The following MORC1 variants were observed in gnomAD, a reference collection of about 807,000 sequenced individuals.
MORC1 encodes MORC family CW-type zinc finger 1.
In MORC1, 59 loss-of-function variants were observed where a neutral mutation model predicts 134.9. The observed-to-expected ratio is 0.44, with a 90% CI of 0.35 to 0.54. The LOEUF is 0.54. Among genes scored for constraint, MORC1 ranks in the 20% least tolerant of loss-of-function variants. The pLI is 0.00. For missense variants in MORC1, 947 were observed against 1,134.5 expected (o/e 0.83, Z 2.37); for synonymous variants, 395 against 391.7 (o/e 1.01, Z -0.10).
chr3:108,981,974 A>G (rs1947737088), intron 23 of MORC1, among the ~76,000 whole-genome samples: 1 of 152,232 alleles, frequency 6.6e-6, no homozygotes, highest in Non-Finnish European at 1.5e-5. Context: ...CAGGCAACCT[A>G]CAGAATGGGA....
chr3:109,082,902 A>G (rs544764175), intron 8 of MORC1, among the ~76,000 whole-genome samples: 27 of 152,276 alleles, frequency 1.8e-4, no homozygotes, highest in African/African-American at 6.0e-4. Context: ...AAACTTGAGA[A>G]AGAGACCAAT....
chr3:108,970,763 C>A (rs1947354951), intron 25 of MORC1, among the ~76,000 whole-genome samples: 1 of 152,204 alleles, frequency 6.6e-6, no homozygotes, highest in Non-Finnish European at 1.5e-5. Flanking sequence ...TTCACCACAG[C>A]CCTGCGGGAG....
At chr3:109,108,343 C>T (rs969764548) in intron 3 of MORC1, among the ~76,000 whole-genome samples, 1 of 152,102 alleles carries the variant, frequency 6.6e-6, no homozygotes, top group Non-Finnish European at 1.5e-5. Flanking sequence ...GAACATAATG[C>T]GTGGATTCTG....
intron 14 of MORC1, among the ~76,000 whole-genome samples, chr3:109,046,781 G>A (rs191195604): frequency 4.6e-5 from 7 of 152,198 alleles, no homozygotes; most frequent in Non-Finnish European, 2.9e-5. Context: ...GATAGTAAAA[G>A]GGTTACTACA....
chr3:109,009,393 A>T (rs1012237384), intron 17 of MORC1, among the ~76,000 whole-genome samples: 1 of 151,482 alleles, frequency 6.6e-6, no homozygotes, highest in Non-Finnish European at 1.5e-5. Flanking sequence ...TTTAGTAGAG[A>T]CAGGGTTTCA....
chr3:108,967,651 T>G (rs1196638080), intron 26 of MORC1, among the ~76,000 whole-genome samples: 1 of 152,198 alleles, frequency 6.6e-6, no homozygotes, highest in Non-Finnish European at 1.5e-5. Flanking sequence ...AAGTAATACA[T>G]GTGACCTCTA....
chr3:109,044,822 G>C lies in MORC1; in HGVS notation c.1331-9354C>G, dbSNP rs145275839. 8.8e-3 allele frequency among the ~76,000 whole-genome samples: 1,283 copies of C among 146,048 alleles called. 10 individuals are homozygous for C. Among genetic ancestry groups the C allele is most frequent in the Non-Finnish European group, 0.013 (828 of 65,974 alleles). On this transcript the variant is annotated intron_variant, in intron 14 of 27. Coordinates refer to ENST00000232603, the MANE Select transcript of MORC1 (RefSeq NM_014429.4). The stretch of plus-strand genomic sequence containing the variant: ...TAGCCAGGTGTGGTGGCGGGCATCT[G>C]TAATCCCAGCTACTTGGGAGGCTTA...
chr3:109,100,554 A>G (rs1422622901), intron 4 of MORC1, 47 bp from the exon 5 acceptor site: 4 of 1,448,192 alleles, frequency 2.8e-6, no homozygotes, highest in Non-Finnish European at 2.9e-6. Flanking sequence ...ACTCTTTGAC[A>G]CTGGCCTGAG....
intron 23 of MORC1, among the ~76,000 whole-genome samples, chr3:108,981,991 T>G (rs986206581): frequency 2.6e-5 from 4 of 152,062 alleles, no homozygotes; most frequent in Non-Finnish European, 5.9e-5. Flanking sequence ...GGGAGAAAAT[T>G]TTTGCAATCT....
At chr3:109,050,098 C>T (rs1002237352) in intron 14 of MORC1, among the ~76,000 whole-genome samples, 1 of 152,136 alleles carries the variant, frequency 6.6e-6, no homozygotes, top group African/African-American at 2.4e-5. Context: ...CTAACCCCTC[C>T]CCAACCTTTA....
At chr3:109,025,106 T>C (rs1055157532) in intron 17 of MORC1, among the ~76,000 whole-genome samples, 4 of 152,180 alleles carry the variant, frequency 2.6e-5, no homozygotes, top group Non-Finnish European at 5.9e-5. Flanking sequence ...TATAACTATA[T>C]GGGAGTTGCA....
chr3:109,042,324 AT>A (rs1286996521), intron 14 of MORC1, among the ~76,000 whole-genome samples: 1 of 152,174 alleles, frequency 6.6e-6, no homozygotes, highest in East Asian at 1.9e-4. Flanking sequence ...ACACGTATAT[AT>A]TTTTTAAATG....
chr3:109,117,576 G>A (rs1951299371), intron 1 of MORC1, among the ~76,000 whole-genome samples: 3 of 152,216 alleles, frequency 2.0e-5, no homozygotes, highest in African/African-American at 7.2e-5. Context: ...TCCTTAGAGA[G>A]GTTACATTTT....
At chr3:108,988,068 T>C (rs1168033791) in intron 21 of MORC1, among the ~76,000 whole-genome samples, 2 of 152,124 alleles carry the variant, frequency 1.3e-5, no homozygotes, top group African/African-American at 4.8e-5. Context: ...TCATGCCCTC[T>C]CTAACCTGCT....
chr3:108,979,636 G>C lies in MORC1; in HGVS notation c.2356C>G (p.Leu786Val), dbSNP rs114420757. 1 of 1,614,024 alleles carries C rather than the reference G, an allele frequency of 6.2e-7. No homozygotes were observed. Residue 786 changes from leucine (L) to valine (V), a missense_variant, in exon 24 of 28, where the codon CTA (leucine) becomes GTA (valine). Coordinates refer to ENST00000232603, the MANE Select transcript of MORC1 (RefSeq NM_014429.4). ...ACTCTGGCTATGTGTCCAGAACTTA[G>C]ATTCACATCTTCCATCGGCACATTG... ...LLNVPMEDVNLSSGHIARVSV... is the reference protein window; with the variant it reads ...LLNVPMEDVNVSSGHIARVSV...
At chr3:109,101,978 T>C (rs1300926220) in intron 4 of MORC1, among the ~76,000 whole-genome samples, 1 of 152,194 alleles carries the variant, frequency 6.6e-6, no homozygotes, top group African/African-American at 2.4e-5. Flanking sequence ...GTTCTGAGCA[T>C]GGGAATAAAC....
At chr3:108,982,447 G>A (rs1947754874) in intron 23 of MORC1, among the ~76,000 whole-genome samples, 1 of 151,904 alleles carries the variant, frequency 6.6e-6, no homozygotes, top group Non-Finnish European at 1.5e-5. Flanking sequence ...AAGACACAAT[G>A]CACACGTATG....
chr3:109,056,949 A>G (rs1949976317), intron 13 of MORC1, among the ~76,000 whole-genome samples: 1 of 152,240 alleles, frequency 6.6e-6, no homozygotes, highest in Non-Finnish European at 1.5e-5. Flanking sequence ...GCTAACTGGC[A>G]TGAACTCATA....
intron 16 of MORC1, among the ~76,000 whole-genome samples, chr3:109,029,539 T>C (rs970191442): frequency 2.5e-4 from 38 of 152,378 alleles, no homozygotes; most frequent in Non-Finnish European, 2.6e-4. Context: ...AGCCAAGTAA[T>C]AGGCATCATT....
Sources: allele counts gnomAD v4.1 joint callset (sites outside exome capture counted in the v4.1 genomes callset), GRCh38; gene constraint gnomAD v4.1.1; transcripts MANE v1.5; gene names NCBI Gene and HGNC (gene_info 2026-07-23, HGNC 2026-07-21).